The following ERBB4 variants were observed in gnomAD, a reference collection of about 807,000 sequenced individuals.
ERBB4 encodes receptor tyrosine-protein kinase erbB-4.
In ERBB4, 42 loss-of-function variants were observed where a neutral mutation model predicts 158.0. The ratio of observed to expected loss-of-function variants is 0.27; its 90% CI spans 0.21 to 0.34. ERBB4 has a LOEUF of 0.34. Ranked by LOEUF, ERBB4 falls within the 10% of genes least tolerant of loss-of-function variation. The probability of loss-of-function intolerance (pLI) is 1.00; values close to 1 mark genes in which losing one functional copy is unlikely to be tolerated. For missense variants in ERBB4, 1,333 were observed against 1,624.1 expected (o/e 0.82, Z 3.08); for synonymous variants, 583 against 558.7 (o/e 1.04, Z -0.61).
At chr2:211,780,566 TATAA>T (rs2076009150) in intron 4 of ERBB4, among the ~76,000 whole-genome samples, 1 of 152,066 alleles carries the variant, frequency 6.6e-6, no homozygotes, top group African/African-American at 2.4e-5. Flanking sequence ...AGCCTCTTCT[TATAA>T]ATAGAGTGTC....
At chr2:211,568,549 T>C (rs2067620259) in intron 19 of ERBB4, among the ~76,000 whole-genome samples, 1 of 152,216 alleles carries the variant, frequency 6.6e-6, no homozygotes, top group Non-Finnish European at 1.5e-5. Flanking sequence ...TGAAAACTTA[T>C]AGGCTATTCT....
intron 3 of ERBB4, among the ~76,000 whole-genome samples, chr2:211,797,661 C>A (rs1373967034): frequency 6.6e-6 from 1 of 151,660 alleles, no homozygotes; most frequent in Non-Finnish European, 1.5e-5. Context: ...GATTTGGGGG[C>A]TAGAAGTCTC....
At chr2:211,753,456 ATT>A (rs1329543301) in intron 4 of ERBB4, among the ~76,000 whole-genome samples, 1 of 152,160 alleles carries the variant, frequency 6.6e-6, no homozygotes, top group Non-Finnish European at 1.5e-5. Flanking sequence ...TTTAGAATTA[ATT>A]CAGGAAAAGA....
intron 1 of ERBB4, among the ~76,000 whole-genome samples, chr2:212,343,282 T>A (rs2106324305): frequency 6.6e-6 from 1 of 152,286 alleles, no homozygotes; most frequent in South Asian, 2.1e-4. Context: ...CACCTCCATA[T>A]CATGTGAAAA....
At chr2:212,071,105 G>A (rs751418454) in intron 2 of ERBB4, among the ~76,000 whole-genome samples, 1 of 151,746 alleles carries the variant, frequency 6.6e-6, no homozygotes, top group Non-Finnish European at 1.5e-5. Context: ...ATTGAAGAGG[G>A]GGGTGTTACA....
intron 3 of ERBB4, among the ~76,000 whole-genome samples, chr2:211,945,214 T>C (rs181419793): frequency 5.9e-4 from 90 of 152,262 alleles, no homozygotes; most frequent in African/African-American, 1.8e-3. Flanking sequence ...ATGTGAACTG[T>C]TAGGTGTCTT....
chr2:212,284,136 A>T (rs1016706106), intron 1 of ERBB4, among the ~76,000 whole-genome samples: 1 of 152,088 alleles, frequency 6.6e-6, no homozygotes. Context: ...TTTTTATTCA[A>T]CGTAATATTA....
intron 19 of ERBB4, among the ~76,000 whole-genome samples, chr2:211,605,829 T>C (rs147506365): frequency 1.3e-5 from 2 of 152,240 alleles, no homozygotes; most frequent in African/African-American, 2.4e-5. Context: ...CAGTTACTTA[T>C]TAATTTGCCT....
chr2:211,520,963 T>C (rs187376875), intron 20 of ERBB4, among the ~76,000 whole-genome samples: 1 of 152,230 alleles, frequency 6.6e-6, no homozygotes, highest in Non-Finnish European at 1.5e-5. Flanking sequence ...TTCTAACTGC[T>C]CTACCAATCA....
At chr2:212,427,454 C>T (rs574205117) in intron 1 of ERBB4, among the ~76,000 whole-genome samples, 1 of 152,246 alleles carries the variant, frequency 6.6e-6, no homozygotes, top group South Asian at 2.1e-4. Flanking sequence ...ACAGCACCTT[C>T]AAACTTATTT....
Position 211,893,254 on chromosome 2 carries a change from C to T in ERBB4, c.421+54176G>A, listed in dbSNP as rs1279578050. ...AGAACAGAGCCCTCAGAAATAACACCGCATATCTACAACTATCTGATCTTT... is the reference window on the plus strand; with the variant it reads ...AGAACAGAGCCCTCAGAAATAACACTGCATATCTACAACTATCTGATCTTT... On this transcript the variant is annotated intron_variant, in intron 3 of 27. Coordinates refer to ENST00000342788, the MANE Select transcript of ERBB4 (RefSeq NM_005235.3). Among the ~76,000 whole-genome samples, 11 of 143,904 alleles carry T rather than the reference C, an allele frequency of 7.6e-5. 2 individuals are homozygous for T. The highest frequency in any genetic ancestry group is 1.9e-4 in the African/African-American group (7 of 36,262). The allele number at this position is 143,904 out of a possible 152,430, so 94.4% of individuals were successfully genotyped here. A position where few individuals can be genotyped will look rare whatever the true frequency, so the allele number is the denominator to read the frequency against.
At chr2:211,942,736 A>G (rs2125125219) in intron 3 of ERBB4, among the ~76,000 whole-genome samples, 1 of 152,288 alleles carries the variant, frequency 6.6e-6, no homozygotes, top group Non-Finnish European at 1.5e-5. Flanking sequence ...ACATATGAAT[A>G]TGTTGGTCTG....
chr2:212,207,099 T>A (rs978512754), intron 1 of ERBB4, among the ~76,000 whole-genome samples: 1 of 152,130 alleles, frequency 6.6e-6, no homozygotes, highest in Admixed American at 6.5e-5. Context: ...TGAAATTGTG[T>A]ATAAACATAT....
chr2:212,136,105 A>G (rs993298287), intron 1 of ERBB4, among the ~76,000 whole-genome samples: 1 of 152,236 alleles, frequency 6.6e-6, no homozygotes, highest in Non-Finnish European at 1.5e-5. Context: ...GACCTTTGCC[A>G]TTCACTGTAA....
chr2:212,286,767 A>ATTTATTTTTTTTTTTTT (rs2085994861), intron 1 of ERBB4, among the ~76,000 whole-genome samples: 1 of 39,562 alleles, frequency 2.5e-5, no homozygotes, highest in Non-Finnish European at 4.2e-5. Flanking sequence ...ATGAGGGTTA[A>ATTTATTTTTTTTTTTTT]TTTTTTTTTT....
intron 4 of ERBB4, among the ~76,000 whole-genome samples, chr2:211,783,947 C>T (rs184279224): frequency 2.6e-5 from 4 of 152,132 alleles, no homozygotes; most frequent in Non-Finnish European, 4.4e-5. Flanking sequence ...AGGAATGGTA[C>T]CAGCTCCTCC....
At position 212,124,836 on chromosome 2, in the gene ERBB4, G is replaced by C. The variant is rs749347342; in HGVS notation, c.150C>G (p.Arg50=). Reference sequence around the variant, plus strand: ...CAACCTCACAGTTTTCATAGTACTTGCGCAAGGCTCGGTACTGCTGTTCCA... The same window carrying C: ...CAACCTCACAGTTTTCATAGTACTTCCGCAAGGCTCGGTACTGCTGTTCCA... The part of the protein sequence containing the change: ...SDLEQQYRAL[R]KYYENCEVVM... Residue 50 remains arginine (R), a synonymous_variant, in exon 2 of 28, where the codon CGC becomes CGG. Coordinates refer to ENST00000342788, the MANE Select transcript of ERBB4 (RefSeq NM_005235.3). 17 of 1,614,012 alleles carry C rather than the reference G, an allele frequency of 1.1e-5. No individual in the cohort carries two copies. The highest frequency in any genetic ancestry group is 3.3e-5 in the South Asian group (3 of 91,084).
chr2:211,486,731 C>T (rs971522670), intron 20 of ERBB4, among the ~76,000 whole-genome samples: 5 of 152,058 alleles, frequency 3.3e-5, no homozygotes, highest in Non-Finnish European at 7.4e-5. Context: ...ATTACATCCA[C>T]ATGAAAAATG....
intron 3 of ERBB4, among the ~76,000 whole-genome samples, chr2:211,874,031 GGTGTGCACCT>G (rs370419536): frequency 0.015 from 2,315 of 152,182 alleles, 36 homozygotes; most frequent in East Asian, 0.061. Context: ...CAGACATGGT[GGTGTGCACCT>G]GTAGTCCCAG....
Sources: allele counts gnomAD v4.1 joint callset (sites outside exome capture counted in the v4.1 genomes callset), GRCh38; gene constraint gnomAD v4.1.1; transcripts MANE v1.5; gene names NCBI Gene and HGNC (gene_info 2026-07-23, HGNC 2026-07-21).